Variants in NIN observed in about 807,000 individuals in gnomAD.
NIN encodes ninein, also known as glycogen synthase kinase 3 beta-interacting protein.
A neutral mutation model predicts 257.6 loss-of-function variants in NIN; 137 were observed. That is an observed-to-expected ratio of 0.53 (90% confidence interval 0.46 to 0.61). NIN has a LOEUF of 0.61. Among genes scored for constraint, NIN ranks in the 20% least tolerant of loss-of-function variants. The pLI is 0.00. For synonymous variants in NIN, 918 were observed against 919.8 expected, an observed-to-expected ratio of 1.00 and a Z score of 0.04; for missense variants, 2,439 against 2,501.2, an observed-to-expected ratio of 0.98 and a Z score of 0.53.
chr14:50,729,660 G>A lies in NIN; in HGVS notation c.5941C>T (p.Leu1981Phe), dbSNP rs1217736922. Residue 1981 changes from leucine (L) to phenylalanine (F), a missense_variant, in exon 29 of 31, where the codon CTC becomes TTC. Physicochemically the swap from Leu to Phe is conservative, Grantham distance 22. Around this residue, in one of 3 missense-constraint regions of NIN, gnomAD observed 2,043 missense variants for 2,050.2 expected, o/e 1.00. Coordinates refer to ENST00000530997, the MANE Select transcript of NIN (RefSeq NM_020921.4). ...ACCATCGGACAGGCTTGCTGCTGGA[G>A]CAGCTGCAAATCCCAAGCATGAGGG... ...PSPHAWDLQLLQQQACPMVPR... is the reference protein window; with the variant it reads ...PSPHAWDLQLFQQQACPMVPR... 7.4e-6 allele frequency: 12 copies of A among 1,613,708 alleles called. No homozygotes were observed. Among genetic ancestry groups the A allele is most frequent in the Non-Finnish European group, 1.0e-5 (12 of 1,179,924 alleles).
chr14:50,766,430 C>T (rs2042490448), intron 13 of NIN, 34 bp from the exon 14 acceptor site: 1 of 1,597,250 alleles, frequency 6.3e-7, no homozygotes, highest in East Asian at 2.2e-5. Context: ...TGTCATTTTT[C>T]CCGAGTGCCC....
At chr14:50,800,638 T>C (rs1301629122) in intron 4 of NIN, among the ~76,000 whole-genome samples, 1 of 152,218 alleles carries the variant, frequency 6.6e-6, no homozygotes, top group African/African-American at 2.4e-5. Context: ...TTATCTTAGG[T>C]AATCCTAGAA....
chr14:50,756,657 T>C lies in NIN; in HGVS notation c.4373A>G (p.Lys1458Arg). The part of the protein sequence containing the change: ...QATIAELELE[K>R]TKLQELTRKL... The stretch of plus-strand genomic sequence containing the variant: ...CCTAGTCAGCTCCTGTAACTTTGTT[T>C]TCTCCAGTTCTAACTCTGCTATGGT... Residue 1458 changes from lysine (K) to arginine (R), a missense_variant, in exon 18 of 31, where the codon AAA becomes AGA. By Grantham distance (26) the Lys-to-Arg change is conservative. Coordinates refer to ENST00000530997, the MANE Select transcript of NIN (RefSeq NM_020921.4). 3 of 1,552,886 alleles carry C rather than the reference T, an allele frequency of 1.9e-6. No individual in the cohort carries two copies. The highest frequency in any genetic ancestry group is 2.6e-6 in the Non-Finnish European group (3 of 1,147,490).
At chr14:50,777,215 G>T in intron 6 of NIN, 76 bp from the exon 7 acceptor site, 1 of 1,210,830 alleles carries the variant, frequency 8.3e-7, no homozygotes, top group Non-Finnish European at 1.2e-6. Context: ...AGAAAACTGT[G>T]CTTTTTGAAA....
In NIN at chr14:50,752,262, G is replaced by A. The variant is rs942091272; in HGVS notation, c.4950+256C>T. Among the ~76,000 whole-genome samples the A allele has an allele frequency of 3.3e-5, 5 of 151,450 alleles. No individual in the cohort carries two copies. In the East Asian group the frequency reaches 7.7e-4, roughly 23 times the overall value. The stretch of plus-strand genomic sequence containing the variant: ...TCTATTTCCGAATGTCTACTCAGTT[G>A]TTCAGGCACCATTAATTTAAAAGTC... On this transcript the variant is annotated intron_variant, in intron 21 of 30. Transcript: ENST00000530997.
chr14:50,758,355 T>C lies in NIN; in HGVS notation c.2675A>G (p.Gln892Arg), dbSNP rs771785775. ...REKTTSLVLTQEREMLEKTYK... is the reference protein window; with the variant it reads ...REKTTSLVLTREREMLEKTYK... ...TGTTTTCTCCAGCATCTCTCTCTCC[T>C]GGGTCAGGACCAGAGAAGTTGTTTT... The change falls in exon 18 of 31, where the codon CAG becomes CGG. Residue 892 changes from glutamine to arginine, a missense_variant. By Grantham distance (43) the Gln-to-Arg change is conservative (BLOSUM62 1). Around this residue, in one of 3 missense-constraint regions of NIN, gnomAD observed 2,043 missense variants for 2,050.2 expected, o/e 1.00. Transcript: ENST00000530997. 4.3e-6 allele frequency: 7 copies of C among 1,614,140 alleles called. No individual in the cohort carries two copies. Among genetic ancestry groups the C allele is most frequent in the Non-Finnish European group, 5.9e-6 (7 of 1,180,042 alleles).
At chr14:50,729,444 C>G in intron 29 of NIN, 79 bp downstream of exon 29, 1 of 1,373,724 alleles carries the variant, frequency 7.3e-7, no homozygotes, top group South Asian at 1.4e-5. Context: ...TTCTTTCTCT[C>G]CACCTTTGAA....
chr14:50,726,007 T>C lies in NIN; in HGVS notation c.6138A>G (p.Lys2046=). The change falls in exon 30 of 31, where the codon AAA becomes AAG. Residue 2046 remains lysine, a synonymous_variant. Transcript: ENST00000530997. ...MEERMIEVEQ[K]LKLVKRLLQE... is the part of the protein sequence containing the mutation. ...GAAGAAGCCTTTTCACTAGTTTCAGTTTCTGTTCAACTTCTATCATTCGTT... is the reference window on the plus strand; with the variant it reads ...GAAGAAGCCTTTTCACTAGTTTCAGCTTCTGTTCAACTTCTATCATTCGTT... The C allele has an allele frequency of 6.2e-7, 1 of 1,614,106 alleles. No individual in the cohort carries two copies. The highest frequency in any genetic ancestry group is 8.5e-7 in the Non-Finnish European group (1 of 1,179,976).
chr14:50,770,953 T>C lies in NIN; in HGVS notation c.1158A>G (p.Leu386=). ...VDQVVREKEK[L]RSDLDKAEKL... is the part of the protein sequence containing the mutation. ...TCTCGGCCTTGTCCAGATCTGACCG[T>C]AGCTTCTCTTTTTCTCTGACCACCT... The change falls in exon 11 of 31, where the codon CTA becomes CTG. Residue 386 remains leucine (L), a synonymous_variant. Coordinates refer to ENST00000530997, the MANE Select transcript of NIN (RefSeq NM_020921.4). 1 of 1,614,196 alleles carries C rather than the reference T, an allele frequency of 6.2e-7. No individual in the cohort carries two copies. Among genetic ancestry groups the C allele is most frequent in the African/African-American group, 1.3e-5 (1 of 75,072 alleles).
Position 50,748,094 on chromosome 14 carries a change from T to C in NIN, c.4962A>G (p.Leu1654=), listed in dbSNP as rs2041631950. 1 of 1,610,076 alleles carries C rather than the reference T, an allele frequency of 6.2e-7. No individual in the cohort carries two copies. The highest frequency in any genetic ancestry group is 8.5e-7 in the Non-Finnish European group (1 of 1,176,474). Residue 1654 remains leucine, a synonymous_variant, in exon 22 of 31, where the codon TTA becomes TTG. Transcript: ENST00000530997. Reference sequence around the variant, plus strand: ...AGAGCTCCGCCTCCAGAGAAGACACTAAAGTGGAGGACTAAGAGAAAAATG... The same window carrying C: ...AGAGCTCCGCCTCCAGAGAAGACACCAAAGTGGAGGACTAAGAGAAAAATG... ...LERCKVQSST[L]VSSLEAELSE...
At chr14:50,767,613 C>T (rs61985510) in intron 12 of NIN, among the ~76,000 whole-genome samples, 26,174 of 151,996 alleles carry the variant, frequency 0.17, 2,799 homozygotes, top group East Asian at 0.3. Context: ...GTCAGGAGAT[C>T]GAGACCATCC....
At chr14:50,727,405 A>C (rs376249215) in intron 29 of NIN, 1 of 1,073,326 alleles carries the variant, frequency 9.3e-7, no homozygotes, top group Non-Finnish European at 1.1e-6. Context: ...TATAGACTAC[A>C]TCCTTTCAAG....
At chr14:50,743,381 T>C in intron 24 of NIN, 35 bp downstream of exon 24, 1 of 1,304,168 alleles carries the variant, frequency 7.7e-7, no homozygotes, top group Non-Finnish European at 1.1e-6. Context: ...AGGAGAATAC[T>C]AACCGTGAAG....
At chr14:50,780,490 T>A (rs549687340) in intron 5 of NIN, among the ~76,000 whole-genome samples, 30 of 152,314 alleles carry the variant, frequency 2.0e-4, no homozygotes, top group Admixed American at 1.7e-3. Flanking sequence ...TGAAATGTTG[T>A]TTTTCAGTAG....
intron 30 of NIN, 170 bp from the exon 31 acceptor site, chr14:50,723,842 C>A: frequency 1.7e-6 from 1 of 597,966 alleles, no homozygotes; most frequent in Non-Finnish European, 2.9e-6. Context: ...TCAGGGACAC[C>A]ATTGGAACAA....
At chr14:50,799,376 C>G (rs78374298) in intron 4 of NIN, among the ~76,000 whole-genome samples, 27 of 152,290 alleles carry the variant, frequency 1.8e-4, no homozygotes, top group Admixed American at 3.3e-4. Flanking sequence ...TGGCCCAAAG[C>G]CATCGGGCCA....
Position 50,766,893 on chromosome 14 carries a change from G to T in NIN, c.1435-3C>A. On this transcript the variant is annotated splice_region_variant and splice_polypyrimidine_tract_variant and intron_variant, in intron 12 of 30. Coordinates refer to ENST00000530997, the MANE Select transcript of NIN (RefSeq NM_020921.4). ...TCATTTTCCAGACGACTGTTTTCCT[G>T]AACAAGTATGGGGAAATTAAATGTG... The T allele has an allele frequency of 6.3e-7, 1 of 1,596,374 alleles. No homozygotes were observed. The highest frequency in any genetic ancestry group is 1.1e-5 in the South Asian group (1 of 90,722).
chr14:50,757,656 T>G lies in NIN; in HGVS notation c.3374A>C (p.Gln1125Pro), dbSNP rs12882191. The G allele has an allele frequency of 0.75, 1,212,793 of 1,613,946 alleles. 458,048 individuals carry two copies. The highest frequency in any genetic ancestry group is 0.9 in the African/African-American group (67,469 of 74,984). ...FFGNTAEQTE[Q>P]FLQQNRTKQV... ...CTTCGTTCGGTTTTGCTGTAAAAAC[T>G]GCTCTGTTTGTTCCGCAGTATTTCC... The change falls in exon 18 of 31, where the codon CAG becomes CCG. Residue 1125 changes from glutamine (Q) to proline (P), a missense_variant. By Grantham distance (76) the Gln-to-Pro change is moderately conservative (BLOSUM62 -1). This residue lies in a region of NIN where 2,043 missense variants were observed against 2,050.2 expected (regional missense o/e 1.00). Transcript: ENST00000530997.
chr14:50,742,392 CT>C (rs796578867), intron 24 of NIN: 3,855 of 138,348 alleles, frequency 0.028, 150 homozygotes, highest in African/African-American at 0.096. Flanking sequence ...GAAACCTCAC[CT>C]TTTTTTTTTT....
Sources: allele counts gnomAD v4.1 joint callset (sites outside exome capture counted in the v4.1 genomes callset), GRCh38; gene constraint gnomAD v4.1.1; regional missense constraint gnomAD v4.1.1; transcripts MANE v1.5; gene names NCBI Gene and HGNC (gene_info 2026-07-23, HGNC 2026-07-21).